The following NRXN3 variants were observed in gnomAD, a reference collection of about 807,000 sequenced individuals.
NRXN3 encodes neurexin 3.
NRXN3 carries 32 observed loss-of-function variants against 137.6 expected under a neutral mutation model. The ratio of observed to expected loss-of-function variants is 0.23; its 90% CI spans 0.18 to 0.31. The LOEUF (loss-of-function observed/expected upper bound fraction) is 0.31, where lower values mean the gene tolerates loss of function less well. Among genes scored for constraint, NRXN3 ranks in the 10% least tolerant of loss-of-function variants. The pLI, the probability that NRXN3 is intolerant of heterozygous loss-of-function variation, is 1.00. For missense variants in NRXN3, 1,574 were observed against 2,062.5 expected (o/e 0.76, Z 4.59); for synonymous variants, 798 against 784.5 (o/e 1.02, Z -0.29).
chr14:78,217,871 G>T (rs56144144), intron 1 of NRXN3, among the ~76,000 whole-genome samples: 1 of 152,134 alleles, frequency 6.6e-6, no homozygotes, highest in Non-Finnish European at 1.5e-5. Context: ...ATGTTGACCA[G>T]GCTGGTCTTG....
At chr14:78,881,575 C>T (rs2099129250) in intron 10 of NRXN3, among the ~76,000 whole-genome samples, 1 of 151,392 alleles carries the variant, frequency 6.6e-6, no homozygotes, top group Non-Finnish European at 1.5e-5. Context: ...GAACTTTGAA[C>T]TTGAGAGAGA....
intron 20 of NRXN3, among the ~76,000 whole-genome samples, chr14:79,839,891 A>G (rs1238725699): frequency 6.6e-6 from 1 of 152,206 alleles, no homozygotes; most frequent in Non-Finnish European, 1.5e-5. Flanking sequence ...TGATCCTAAC[A>G]TCTACATATT....
At chr14:79,614,380 A>G (rs1567668838) in intron 16 of NRXN3, among the ~76,000 whole-genome samples, 2 of 129,624 alleles carry the variant, frequency 1.5e-5, no homozygotes, top group Non-Finnish European at 3.1e-5. Flanking sequence ...GATGGCCTTC[A>G]TGAACTTTTT....
At chr14:79,342,752 C>T (rs2092675877) in intron 15 of NRXN3, among the ~76,000 whole-genome samples, 1 of 152,134 alleles carries the variant, frequency 6.6e-6, no homozygotes, top group South Asian at 2.1e-4. Flanking sequence ...ACCAATAAAA[C>T]CAAGTCACTG....
chr14:79,022,405 A>G (rs1357302825), intron 15 of NRXN3, among the ~76,000 whole-genome samples: 1 of 152,160 alleles, frequency 6.6e-6, no homozygotes, highest in African/African-American at 2.4e-5. Context: ...CAAAATACAC[A>G]GCTGAAAAAA....
intron 4 of NRXN3, among the ~76,000 whole-genome samples, chr14:78,456,137 C>G (rs1005771299): frequency 6.6e-6 from 1 of 152,188 alleles, no homozygotes; most frequent in Admixed American, 6.5e-5. Context: ...TAAACAGTCG[C>G]AGGACAAACA....
At chr14:78,298,796 C>A (rs1229148832) in intron 4 of NRXN3, among the ~76,000 whole-genome samples, 1 of 152,202 alleles carries the variant, frequency 6.6e-6, no homozygotes, top group African/African-American at 2.4e-5. Flanking sequence ...TGGGACTCAG[C>A]ACCTCTTCTG....
rs144427091 is a variant in NRXN3 at position 78,727,589 on chromosome 14, G to A, written c.2044+12450G>A. 3.6e-3 allele frequency among the ~76,000 whole-genome samples: 545 copies of A among 152,248 alleles called. 1 individual carries two copies. Among genetic ancestry groups the A allele is most frequent in the Non-Finnish European group, 5.7e-3 (389 of 68,010 alleles). ...GAAACCCCATCTCTCCTGAAAATTA[G>A]CCAGGCATGGTGGTGCTTGCCTGTA... is the stretch of plus-strand genomic sequence containing the variant. On this transcript the variant is annotated intron_variant, in intron 8 of 20. Coordinates refer to ENST00000335750, the MANE Select transcript of NRXN3 (RefSeq NM_001330195.2).
At chr14:79,621,208 G>A (rs221499) in intron 16 of NRXN3, among the ~76,000 whole-genome samples, 59,401 of 152,020 alleles carry the variant, frequency 0.39, 16,099 homozygotes, top group African/African-American at 0.77. Context: ...AAAAGAAAAG[G>A]CTAGCCAAAA....
chr14:78,767,281 A>T (rs1218532299), intron 8 of NRXN3, among the ~76,000 whole-genome samples: 1 of 152,200 alleles, frequency 6.6e-6, no homozygotes, highest in Non-Finnish European at 1.5e-5. Flanking sequence ...TAGGTGTTTC[A>T]TAATATAGCA....
chr14:78,177,254 T>C (rs1257960646), intron 1 of NRXN3, among the ~76,000 whole-genome samples: 1 of 152,042 alleles, frequency 6.6e-6, no homozygotes, highest in Non-Finnish European at 1.5e-5. Context: ...CAGAGGCTGG[T>C]TGGGGGGCAT....
chr14:79,057,242 T>A (rs954512060), intron 15 of NRXN3, among the ~76,000 whole-genome samples: 2 of 152,204 alleles, frequency 1.3e-5, no homozygotes, highest in Non-Finnish European at 2.9e-5. Context: ...AAGAGAGAGA[T>A]AAGAAAGATG....
chr14:78,238,146 C>CT lies in NRXN3; in HGVS notation c.-703-4245_-703-4244insT, dbSNP rs970478676. On this transcript the variant is annotated intron_variant, in intron 1 of 20. Coordinates refer to ENST00000335750, the MANE Select transcript of NRXN3 (RefSeq NM_001330195.2). ...CATGTCAGAGTTGTGTGAGCCCCCC[C>CT]CACCACACCACCCTGCCCCCTCCTA... 7.8e-3 allele frequency among the ~76,000 whole-genome samples: 1,184 copies of CT among 151,294 alleles called. 17 individuals carry two copies. Among genetic ancestry groups the CT allele is most frequent in the African/African-American group, 0.028 (1,136 of 41,188 alleles).
intron 19 of NRXN3, among the ~76,000 whole-genome samples, chr14:79,716,784 G>A (rs1226443900): frequency 6.6e-6 from 1 of 152,110 alleles, no homozygotes; most frequent in Non-Finnish European, 1.5e-5. Context: ...TGAGGCTTGG[G>A]TGATTACAAA....
At chr14:78,711,019 T>A (rs2098402784) in intron 7 of NRXN3, among the ~76,000 whole-genome samples, 1 of 152,152 alleles carries the variant, frequency 6.6e-6, no homozygotes, top group Non-Finnish European at 1.5e-5. Context: ...CCCCCATACT[T>A]CTTCTTCTTC....
At chr14:79,483,518 C>T (rs1412518612) in intron 16 of NRXN3, among the ~76,000 whole-genome samples, 2 of 152,144 alleles carry the variant, frequency 1.3e-5, no homozygotes, top group Non-Finnish European at 2.9e-5. Context: ...AAAGAATTCT[C>T]CTATGGTATA....
intron 2 of NRXN3, among the ~76,000 whole-genome samples, chr14:78,246,922 G>A (rs980397431): frequency 6.6e-6 from 1 of 152,186 alleles, no homozygotes. Context: ...TATTCCCAGC[G>A]GGCAGAATGT....
chr14:78,668,967 T>C (rs760875795), intron 6 of NRXN3, among the ~76,000 whole-genome samples: 13 of 152,158 alleles, frequency 8.5e-5, no homozygotes, highest in African/African-American at 2.7e-4. Flanking sequence ...TGTCTATCTA[T>C]CTACCTACCT....
At chr14:79,790,832 G>C (rs970783799) in intron 19 of NRXN3, among the ~76,000 whole-genome samples, 5 of 152,110 alleles carry the variant, frequency 3.3e-5, no homozygotes, top group African/African-American at 1.2e-4. Context: ...TCTTGGCCAG[G>C]TGGGTCTTGA....
Sources: allele counts gnomAD v4.1 joint callset (sites outside exome capture counted in the v4.1 genomes callset), GRCh38; gene constraint gnomAD v4.1.1; transcripts MANE v1.5; gene names NCBI Gene and HGNC (gene_info 2026-07-23, HGNC 2026-07-21).